The following CEP112 variants were observed in gnomAD, a reference collection of about 807,000 sequenced individuals.
CEP112 encodes the protein centrosomal protein of 112 kDa.
A neutral mutation model predicts 153.0 loss-of-function variants in CEP112; 127 were observed. The observed-to-expected ratio is 0.83, with a 90% CI of 0.72 to 0.96. The LOEUF (loss-of-function observed/expected upper bound fraction) is 0.96. Ranked by LOEUF, CEP112 falls within the 40% of genes least tolerant of loss-of-function variation. CEP112 has a pLI of 0.00. For synonymous variants in CEP112, 358 were observed against 374.4 expected (o/e 0.96, Z 0.51); for missense variants, 1,089 against 1,101.2 (o/e 0.99, Z 0.16).
intron 6 of CEP112, among the ~76,000 whole-genome samples, chr17:66,109,259 TAA>T (rs1335010013): frequency 6.6e-6 from 1 of 152,122 alleles, no homozygotes; most frequent in Non-Finnish European, 1.5e-5. Flanking sequence ...TAAATAACTA[TAA>T]GAGTGTAATT....
At chr17:66,028,911 T>C (rs1432989847) in intron 14 of CEP112, among the ~76,000 whole-genome samples, 2 of 152,116 alleles carry the variant, frequency 1.3e-5, no homozygotes, top group Non-Finnish European at 2.9e-5. Context: ...CAGAATTCAG[T>C]TTATTAAATA....
At chr17:66,054,752 C>CTTTTTG (rs934196168) in intron 11 of CEP112, among the ~76,000 whole-genome samples, 1 of 152,184 alleles carries the variant, frequency 6.6e-6, no homozygotes, top group African/African-American at 2.4e-5. Flanking sequence ...ATATATTTGG[C>CTTTTTG]TTTTTGTTTT....
chr17:65,704,203 G>C (rs1459212827), intron 23 of CEP112, among the ~76,000 whole-genome samples: 1 of 152,078 alleles, frequency 6.6e-6, no homozygotes, highest in Non-Finnish European at 1.5e-5. Flanking sequence ...AGCTGAAAGA[G>C]ACAAGGAAGG....
chr17:65,895,568 A>G (rs80245459), intron 20 of CEP112, among the ~76,000 whole-genome samples: 2,532 of 152,202 alleles, frequency 0.017, 79 homozygotes, highest in African/African-American at 0.057. Flanking sequence ...TCTCTCCCAC[A>G]CCAGGCAAAG....
chr17:66,137,406 G>C (rs2070485055), intron 4 of CEP112, among the ~76,000 whole-genome samples: 1 of 151,788 alleles, frequency 6.6e-6, no homozygotes, highest in Non-Finnish European at 1.5e-5. Flanking sequence ...AGAGAGAAAA[G>C]CAGTAAGCTT....
chr17:65,772,928 A>G (rs1169216706), intron 21 of CEP112, among the ~76,000 whole-genome samples: 1 of 152,218 alleles, frequency 6.6e-6, no homozygotes, highest in Non-Finnish European at 1.5e-5. Context: ...TGACAATGAT[A>G]GCAACAACAA....
At chr17:66,164,883 T>C (rs866478359) in intron 4 of CEP112, among the ~76,000 whole-genome samples, 145 of 97,714 alleles carry the variant, frequency 1.5e-3, no homozygotes, top group African/African-American at 5.8e-3. Context: ...TATACACACA[T>C]ATATGTGTGT....
At chr17:66,172,986 T>C (rs557797745) in intron 4 of CEP112, among the ~76,000 whole-genome samples, 123 of 152,272 alleles carry the variant, frequency 8.1e-4, no homozygotes, top group Non-Finnish European at 1.4e-3. Context: ...CTCACACTCC[T>C]GGGCCCAAGC....
At chr17:66,145,791 T>C (rs2070892764) in intron 4 of CEP112, among the ~76,000 whole-genome samples, 1 of 152,108 alleles carries the variant, frequency 6.6e-6, no homozygotes, top group African/African-American at 2.4e-5. Flanking sequence ...ATAATTGCTT[T>C]CATTCCTCAT....
chr17:66,068,663 A>C (rs1252708473), intron 9 of CEP112, among the ~76,000 whole-genome samples: 5 of 152,156 alleles, frequency 3.3e-5, no homozygotes, highest in Non-Finnish European at 2.9e-5. Flanking sequence ...GCTGCAAATA[A>C]ATTTCAGGAT....
At chr17:66,110,543 C>T (rs1472545206) in intron 6 of CEP112, among the ~76,000 whole-genome samples, 2 of 151,668 alleles carry the variant, frequency 1.3e-5, no homozygotes, top group African/African-American at 4.8e-5. Flanking sequence ...AGATCACTTC[C>T]TCACACCATA....
chr17:66,055,599 A>C (rs908715), intron 11 of CEP112, among the ~76,000 whole-genome samples: 149,261 of 152,218 alleles, frequency 0.98, 73,243 homozygotes, highest in East Asian at 1. Flanking sequence ...CTCATGTTTA[A>C]GGTCTCCCAA....
At chr17:66,081,647 T>C (rs1361509094) in intron 8 of CEP112, among the ~76,000 whole-genome samples, 1 of 149,008 alleles carries the variant, frequency 6.7e-6, no homozygotes, top group Non-Finnish European at 1.5e-5. Flanking sequence ...CCAAGCGCAG[T>C]GGCTCACGCC....
At chr17:66,044,760 T>G (rs1416142672) in intron 12 of CEP112, among the ~76,000 whole-genome samples, 1 of 152,120 alleles carries the variant, frequency 6.6e-6, no homozygotes, top group African/African-American at 2.4e-5. Context: ...ATGACAAAAT[T>G]TGGAGCTGGA....
intron 24 of CEP112, among the ~76,000 whole-genome samples, chr17:65,647,173 G>GTTT (rs771331024): frequency 0.4 from 50,627 of 126,276 alleles, 10,697 homozygotes; most frequent in Middle Eastern, 0.5. Context: ...CTTGATTCTT[G>GTTT]TTTTTTTTTT....
In CEP112 at chr17:66,070,014, T is replaced by A. The variant is rs1385467206; in HGVS notation, c.769-13A>T. 1 of 1,506,762 alleles carries A rather than the reference T, an allele frequency of 6.6e-7. No homozygotes were observed. The highest frequency in any genetic ancestry group is 9.2e-7 in the Non-Finnish European group (1 of 1,086,580). The allele number at this position is 1,506,762 out of a possible 1,614,324, so 93.3% of individuals were successfully genotyped here. ...TTTTCATGTCCAGCTTCAAGAAAAA[T>A]ATTTCAAGGGTGTTATTAATTTACT... On this transcript the variant is annotated splice_polypyrimidine_tract_variant and intron_variant, in intron 8 of 26. Coordinates refer to ENST00000535342, the MANE Select transcript of CEP112 (RefSeq NM_001199165.4).
At chr17:65,699,585 C>T (rs192665337) in intron 23 of CEP112, among the ~76,000 whole-genome samples, 2 of 152,238 alleles carry the variant, frequency 1.3e-5, no homozygotes, top group East Asian at 3.9e-4. Context: ...GTTGTCTTTA[C>T]CCGTTTGCCC....
intron 4 of CEP112, among the ~76,000 whole-genome samples, chr17:66,138,407 G>A (rs554039911): frequency 4.6e-5 from 7 of 152,214 alleles, no homozygotes; most frequent in Non-Finnish European, 1.0e-4. Context: ...TAAGACAAAC[G>A]TTAAGTTTCT....
intron 12 of CEP112, among the ~76,000 whole-genome samples, chr17:66,040,642 A>T (rs2065933895): frequency 6.6e-6 from 1 of 151,814 alleles, no homozygotes; most frequent in South Asian, 2.1e-4. Context: ...AGCATGTGCC[A>T]ACCACGCTTG....
Sources: gnomAD v4.1 joint callset for allele counts (sites outside exome capture counted in the v4.1 genomes callset) on GRCh38, gnomAD v4.1.1 for gene constraint, MANE v1.5 for transcripts, NCBI Gene and HGNC (gene_info 2026-07-23, HGNC 2026-07-21) for gene names.